TGOLN2: variants seen among roughly 807,000 people sequenced by gnomAD.
TGOLN2 encodes trans-golgi network protein 2.
A neutral mutation model predicts 31.3 loss-of-function variants in TGOLN2; 19 were observed. The ratio of observed to expected loss-of-function variants is 0.61; its 90% CI spans 0.42 to 0.89. The LOEUF (loss-of-function observed/expected upper bound fraction) is 0.89. Ranked by LOEUF, TGOLN2 falls within the 40% of genes least tolerant of loss-of-function variation. The probability of loss-of-function intolerance (pLI) is 0.00; values close to 1 mark genes in which losing one functional copy is unlikely to be tolerated. For synonymous variants in TGOLN2, 222 were observed against 226.7 expected (o/e 0.98, Z 0.19); for missense variants, 540 against 559.2 (o/e 0.97, Z 0.35).
chr2:85,325,129 C>G, intron 2 of TGOLN2, 131 bp from the exon 3 acceptor site: 1 of 768,172 alleles, frequency 1.3e-6, no homozygotes, highest in Non-Finnish European at 2.1e-6. Context: ...AGTACACTCA[C>G]AGAGGTCTAT....
chr2:85,322,728 C>G lies in TGOLN2; in HGVS notation c.*8G>C. On this transcript the variant is annotated 3_prime_UTR_variant, in exon 4 of 4. Coordinates refer to ENST00000377386, the MANE Select transcript of TGOLN2 (RefSeq NM_006464.4). ...GTTCATCTTTTTCCAGAGGAATATA[C>G]CATTCTGTTAGGACTTAGGGGAAAA... 1.2e-6 allele frequency: 2 copies of G among 1,611,802 alleles called. No homozygotes were observed. The highest frequency in any genetic ancestry group is 1.7e-6 in the Non-Finnish European group (2 of 1,179,410).
intron 3 of TGOLN2, 50 bp from the exon 4 acceptor site, chr2:85,322,791 TA>T: frequency 6.3e-7 from 1 of 1,598,926 alleles, no homozygotes; most frequent in Non-Finnish European, 8.5e-7. Flanking sequence ...CATTCAGAAT[TA>T]AGACATACTG....
At chr2:85,327,768 C>A (rs1374222060) in intron 1 of TGOLN2, 83 bp from the exon 2 acceptor site, 57 of 194,474 alleles carry the variant, frequency 2.9e-4, no homozygotes, top group Non-Finnish European at 5.1e-4. Flanking sequence ...TCGGGAGCAG[C>A]GGGGGAATGG....
In TGOLN2 at chr2:85,327,552, C is replaced by A. The variant is rs769576579; in HGVS notation, c.180G>T (p.Pro60=). ...TGCTAGGGCTGTCTTTTGGAGTCTG[C>A]GGCTCCGGATGCGACTTGGTAGAGC... ...PGGSTKSHPE[P]QTPKDSPSKS... is the part of the protein sequence containing the mutation. The change falls in exon 2 of 4, where the codon CCG becomes CCT. Residue 60 remains proline (P), a synonymous_variant. Transcript: ENST00000377386. 2.5e-6 allele frequency: 4 copies of A among 1,614,054 alleles called. No homozygotes were observed. Among genetic ancestry groups the A allele is most frequent in the East Asian group, 2.2e-5 (1 of 44,884 alleles).
Position 85,322,485 on chromosome 2 carries a change from G to C in TGOLN2, c.*251C>G. The C allele has an allele frequency of 3.1e-6, 2 of 640,304 alleles. No individual in the cohort carries two copies. Among genetic ancestry groups the C allele is most frequent in the South Asian group, 4.1e-5 (2 of 48,732 alleles). 39.7% of individuals were successfully genotyped at this position (640,304 alleles called of 1,614,324 possible). ...CACCAGCATAAATAAAGGGAACACA[G>C]AAGAACAATGTCACCAAAGTGCAGG... is the stretch of plus-strand genomic sequence containing the variant. On this transcript the variant is annotated 3_prime_UTR_variant, in exon 4 of 4. Coordinates refer to ENST00000377386, the MANE Select transcript of TGOLN2 (RefSeq NM_006464.4).
intron 3 of TGOLN2, among the ~76,000 whole-genome samples, chr2:85,323,975 AGGAACTCC>A (rs1280846344): frequency 1.3e-5 from 2 of 152,256 alleles, no homozygotes; most frequent in African/African-American, 2.4e-5. Flanking sequence ...GGCTGTACTC[AGGAACTCC>A]AGCCTACGGT....
At chr2:85,327,725 C>T in intron 1 of TGOLN2, 40 bp from the exon 2 acceptor site, 1 of 1,312,356 alleles carries the variant, frequency 7.6e-7, no homozygotes, top group Non-Finnish European at 9.9e-7. Context: ...GAAGGGCAGG[C>T]GGGAAGAAGG....
rs1236964388 is a variant in TGOLN2, at chr2:85,326,959, G to A, written c.773C>T (p.Ser258Phe). The change falls in exon 2 of 4, where the codon TCC becomes TTC. Residue 258 changes from serine to phenylalanine, a missense_variant. Transcript: ENST00000377386. ...SPNKVVPEQP[S>F]RKDHSKPISN... ...GATGGGCTTGGAATGGTCTTTCCGGGAAGGCTGCTCTGGAACCACCTTGTT... is the reference window on the plus strand; with the variant it reads ...GATGGGCTTGGAATGGTCTTTCCGGAAAGGCTGCTCTGGAACCACCTTGTT... 41 of 1,613,858 alleles carry A rather than the reference G, an allele frequency of 2.5e-5. No homozygotes were observed. The highest frequency in any genetic ancestry group is 3.1e-5 in the Non-Finnish European group (37 of 1,179,834).
At chr2:85,327,790 T>C (rs972177195) in intron 1 of TGOLN2, 105 bp from the exon 2 acceptor site, 1 of 345,654 alleles carries the variant, frequency 2.9e-6, no homozygotes. Context: ...GATTGGGGGG[T>C]GGGGCGGGAG....
rs1682790739 is a variant in TGOLN2 at position 85,327,479 on chromosome 2, C to T, written c.253G>A (p.Gly85Ser). The change falls in exon 2 of 4, where the codon GGT becomes AGT. Residue 85 changes from glycine (G) to serine (S), a missense_variant. Transcript: ENST00000377386. The part of the protein sequence containing the change: ...QTPEDTPNKS[G>S]AEAKTQKDSS... ...TCTTTTTGGGTCTTTGCCTCCGCAC[C>T]CGACTTGTTGGGGGTGTCTTCTGGG... 6.2e-7 allele frequency: 1 copy of T among 1,613,764 alleles called. No individual in the cohort carries two copies. The highest frequency in any genetic ancestry group is 2.2e-5 in the East Asian group (1 of 44,866).
At chr2:85,324,810 A>G in intron 3 of TGOLN2, 105 bp downstream of exon 3, 2 of 1,018,466 alleles carry the variant, frequency 2.0e-6, no homozygotes, top group Non-Finnish European at 3.0e-6. Flanking sequence ...GCATCCCCAG[A>G]ATCAGCCACT....
Position 85,322,637 on chromosome 2 carries a change from G to C in TGOLN2, c.*99C>G. On this transcript the variant is annotated 3_prime_UTR_variant, in exon 4 of 4. Transcript: ENST00000377386. ...TTTGATTTAGAAACAAATCAGCAGG[G>C]AGGACAAGGTTCTCAAGGACAAAAA... is the stretch of plus-strand genomic sequence containing the variant. 1 of 1,584,140 alleles carries C rather than the reference G, an allele frequency of 6.3e-7. No individual in the cohort carries two copies. The highest frequency in any genetic ancestry group is 1.4e-5 in the African/African-American group (1 of 73,594).
Position 85,326,859 on chromosome 2 carries a change from A to T in TGOLN2, c.873T>A (p.Pro291=), listed in dbSNP as rs750770204. Residue 291 remains proline, a synonymous_variant, in exon 2 of 4, where the codon CCT becomes CCA. Coordinates refer to ENST00000377386, the MANE Select transcript of TGOLN2 (RefSeq NM_006464.4). The stretch of plus-strand genomic sequence containing the variant: ...CCCCAGATTCGGTTTTGAAAGCATG[A>T]GGAGAAAGCTTCCCTTTGTCAGCAA... The part of the protein sequence containing the change: ...NQLADKGKLS[P]HAFKTESGEE... 9.3e-6 allele frequency: 15 copies of T among 1,614,020 alleles called. No individual in the cohort carries two copies. Among genetic ancestry groups the T allele is most frequent in the Non-Finnish European group, 1.2e-5 (14 of 1,179,884 alleles).
intron 2 of TGOLN2, among the ~76,000 whole-genome samples, chr2:85,325,658 T>C (rs2104413773): frequency 6.6e-6 from 1 of 152,242 alleles, no homozygotes; most frequent in South Asian, 2.1e-4. Context: ...TTTTATTATA[T>C]GTAGAGACGA....
intron 1 of TGOLN2, 57 bp from the exon 2 acceptor site, chr2:85,327,742 TC>T: frequency 8.6e-7 from 1 of 1,164,660 alleles, no homozygotes; most frequent in Non-Finnish European, 1.1e-6. Context: ...AAGGAACTCC[TC>T]AGAACTGGAA....
chr2:85,324,781 TGCAACA>T, intron 3 of TGOLN2, 128 bp downstream of exon 3: 7 of 775,898 alleles, frequency 9.0e-6, no homozygotes, highest in Non-Finnish European at 1.1e-5. Flanking sequence ...AAAGGGCGAA[TGCAACA>T]GCAACAGCAA....
chr2:85,327,783 TG>T, intron 1 of TGOLN2, 98 bp from the exon 2 acceptor site: 20 of 275,104 alleles, frequency 7.3e-5, no homozygotes, highest in South Asian at 6.0e-4. Flanking sequence ...GAATGGGGAT[TG>T]GGGGGTGGGG....
chr2:85,321,940 C>G lies in TGOLN2; in HGVS notation c.*796G>C, dbSNP rs1254256758. 3 of 152,190 alleles carry G rather than the reference C, an allele frequency of 2.0e-5. No homozygotes were observed. The highest frequency in any genetic ancestry group is 7.2e-5 in the African/African-American group (3 of 41,448). 9.4% of individuals were successfully genotyped at this position (152,190 alleles called of 1,614,324 possible). ...TTCAAATCATATTTATTTTAAAAAT[C>G]TGTGATGGGACAGTGGCCTCACTGC... On this transcript the variant is annotated 3_prime_UTR_variant, in exon 4 of 4. Coordinates refer to ENST00000377386, the MANE Select transcript of TGOLN2 (RefSeq NM_006464.4).
rs1227840183 is a variant in TGOLN2, at chr2:85,322,729, C to T, written c.*7G>A. 1 of 1,611,736 alleles carries T rather than the reference C, an allele frequency of 6.2e-7. No homozygotes were observed. The highest frequency in any genetic ancestry group is 1.7e-5 in the Admixed American group (1 of 59,254). Reference sequence around the variant, plus strand: ...TTCATCTTTTTCCAGAGGAATATACCATTCTGTTAGGACTTAGGGGAAAAA... The same window carrying T: ...TTCATCTTTTTCCAGAGGAATATACTATTCTGTTAGGACTTAGGGGAAAAA... On this transcript the variant is annotated 3_prime_UTR_variant, in exon 4 of 4. Transcript: ENST00000377386.
Sources: gnomAD v4.1 joint callset for allele counts (sites outside exome capture counted in the v4.1 genomes callset) on GRCh38, gnomAD v4.1.1 for gene constraint, MANE v1.5 for transcripts, NCBI Gene and HGNC (gene_info 2026-07-23, HGNC 2026-07-21) for gene names.